The following TDRP variants were observed in gnomAD, a reference collection of about 807,000 sequenced individuals.
TDRP encodes the protein testis development-related protein.
TDRP carries 12 observed loss-of-function variants against 10.5 expected under a neutral mutation model. The ratio of observed to expected loss-of-function variants is 1.15; its 90% CI spans 0.73 to 1.86. TDRP has a LOEUF of 1.86. Among genes scored for constraint, TDRP ranks in the 40% most tolerant of loss-of-function variants. The pLI is 0.00. For synonymous variants in TDRP, 139 were observed against 95.4 expected, an observed-to-expected ratio of 1.46 and a Z score of -2.67; for missense variants, 353 against 229.2, an observed-to-expected ratio of 1.54 and a Z score of -3.49.
At chr8:496,573 T>C (rs781532363) in intron 1 of TDRP, among the ~76,000 whole-genome samples, 6 of 152,198 alleles carry the variant, frequency 3.9e-5, no homozygotes, top group Admixed American at 6.5e-5. Context: ...TGTTCCCCAT[T>C]CCCAGGCCTG....
chr8:517,590 T>C (rs889789762), intron 1 of TDRP, among the ~76,000 whole-genome samples: 7 of 152,234 alleles, frequency 4.6e-5, no homozygotes, highest in African/African-American at 1.7e-4. Flanking sequence ...ACCTACAACC[T>C]GGAAGCCCCC....
At chr8:504,856 C>A (rs558495191) in intron 1 of TDRP, among the ~76,000 whole-genome samples, 1 of 152,254 alleles carries the variant, frequency 6.6e-6, no homozygotes, top group South Asian at 2.1e-4. Flanking sequence ...CTTATAAATT[C>A]ATTCTAAGCC....
chr8:503,960 C>T (rs1282256572), intron 1 of TDRP, among the ~76,000 whole-genome samples: 1 of 148,264 alleles, frequency 6.7e-6, no homozygotes, highest in Non-Finnish European at 1.5e-5. Flanking sequence ...CAATGCCCAC[C>T]TCAGCACAAG....
chr8:542,358 A>G (rs1039403412), intron 1 of TDRP, among the ~76,000 whole-genome samples: 1 of 151,894 alleles, frequency 6.6e-6, no homozygotes, highest in African/African-American at 2.4e-5. Context: ...ATGCACAACG[A>G]GTGAGCCCTC....
At chr8:515,168 C>G (rs891948827) in intron 1 of TDRP, among the ~76,000 whole-genome samples, 6 of 152,146 alleles carry the variant, frequency 3.9e-5, no homozygotes, top group African/African-American at 1.4e-4. Context: ...TGTGCACAGC[C>G]AGAGATCCAA....
rs544814996 is a variant in TDRP, at chr8:493,155, G to C, written c.213-411C>G. ...GTTTTCAATTGGATTAACACAGCAAGGTAAGGTCAAGCATTTAGTAGGTAA... is the reference window on the plus strand; with the variant it reads ...GTTTTCAATTGGATTAACACAGCAACGTAAGGTCAAGCATTTAGTAGGTAA... On this transcript the variant is annotated intron_variant, in intron 2 of 2. Transcript: ENST00000324079. 8.3e-4 allele frequency among the ~76,000 whole-genome samples: 126 copies of C among 152,226 alleles called. 2 individuals are homozygous for C. The South Asian group carries it at 0.024, about 29-fold the overall frequency.
rs1194950305 is a variant in TDRP, at chr8:491,544, CAT to C, written c.*853_*854del. The C allele has an allele frequency of 2.1e-6, 3 of 1,423,850 alleles. No homozygotes were observed. Among genetic ancestry groups the C allele is most frequent in the Admixed American group, 5.0e-5 (2 of 39,820 alleles). The allele number at this position is 1,423,850 out of a possible 1,614,324, so 88.2% of individuals were successfully genotyped here. Reference sequence around the variant, plus strand: ...AGGCATCTCGCTTTGCAAGAACAAACATATGAGCCTAATAAAAAAGAGGCACT... The same window carrying C: ...AGGCATCTCGCTTTGCAAGAACAAACATGAGCCTAATAAAAAAGAGGCACT... On this transcript the variant is annotated 3_prime_UTR_variant, in exon 3 of 3. Coordinates refer to ENST00000324079, the MANE Select transcript of TDRP (RefSeq NM_001384899.1).
At chr8:503,082 T>A (rs1338922069) in intron 1 of TDRP, among the ~76,000 whole-genome samples, 1 of 127,540 alleles carries the variant, frequency 7.8e-6, no homozygotes, top group Non-Finnish European at 1.7e-5. Flanking sequence ...CACCTCAGCA[T>A]GTGTCAACAT....
chr8:516,203 G>A (rs1190755537), intron 1 of TDRP, among the ~76,000 whole-genome samples: 1 of 152,126 alleles, frequency 6.6e-6, no homozygotes, highest in Non-Finnish European at 1.5e-5. Context: ...GTCTCAGGAG[G>A]TTCACATCTA....
intron 1 of TDRP, among the ~76,000 whole-genome samples, chr8:506,466 T>A (rs1355482433): frequency 2.0e-5 from 3 of 152,264 alleles, no homozygotes; most frequent in African/African-American, 7.2e-5. Context: ...TGGCTGACAC[T>A]AAGCCGCAGC....
chr8:492,681 C>T lies in TDRP; in HGVS notation c.276G>A (p.Leu92=). 1 of 1,613,912 alleles carries T rather than the reference C, an allele frequency of 6.2e-7. No individual in the cohort carries two copies. The highest frequency in any genetic ancestry group is 8.5e-7 in the Non-Finnish European group (1 of 1,179,870). Residue 92 remains leucine, a synonymous_variant, in exon 3 of 3, where the codon TTG becomes TTA. Coordinates refer to ENST00000324079, the MANE Select transcript of TDRP (RefSeq NM_001384899.1). The stretch of plus-strand genomic sequence containing the variant: ...TAGACTGTATATTCTGTTTTAAAAC[C>T]AAATTGTCCCAAAATCCAGATTTCT... ...AEKKSGFWDN[L]VLKQNIQSKK... is the part of the protein sequence containing the mutation.
At chr8:542,766 G>C (rs1802533024) in intron 1 of TDRP, among the ~76,000 whole-genome samples, 1 of 151,548 alleles carries the variant, frequency 6.6e-6, no homozygotes, top group Non-Finnish European at 1.5e-5. Flanking sequence ...AAGAGGCTGA[G>C]GCAGGAGAAT....
At chr8:500,883 G>A (rs1269698174) in intron 1 of TDRP, among the ~76,000 whole-genome samples, 3 of 152,212 alleles carry the variant, frequency 2.0e-5, no homozygotes, top group Admixed American at 6.5e-5. Context: ...CAGTACCTGT[G>A]AAGGACAGAA....
chr8:533,177 G>A (rs923878582), intron 1 of TDRP, among the ~76,000 whole-genome samples: 7 of 152,142 alleles, frequency 4.6e-5, no homozygotes, highest in Non-Finnish European at 1.0e-4. Context: ...TGGAGAACCA[G>A]GTTCTTGTAC....
In TDRP at chr8:492,437, T is replaced by G. The variant is rs1801005276; in HGVS notation, c.520A>C (p.Lys174Gln). Residue 174 changes from lysine (K) to glutamine (Q), a missense_variant, in exon 3 of 3, where the codon AAA becomes CAA. Lys to Gln is a moderately conservative substitution (Grantham distance 53, BLOSUM62 1). Transcript: ENST00000324079. ...GRLVSIRRQS[K>Q]GHLTDSPEEA... is the part of the protein sequence containing the mutation. ...TCCGGGCTATCTGTCAGGTGGCCTT[T>G]ACTCTGCCGTCGGATGCTCACCAGC... is the stretch of plus-strand genomic sequence containing the variant. 6.3e-7 allele frequency: 1 copy of G among 1,584,624 alleles called. No individual in the cohort carries two copies. The highest frequency in any genetic ancestry group is 8.6e-7 in the Non-Finnish European group (1 of 1,161,660).
At chr8:523,252 A>C (rs1484084219) in intron 1 of TDRP, among the ~76,000 whole-genome samples, 1 of 152,184 alleles carries the variant, frequency 6.6e-6, no homozygotes, top group Non-Finnish European at 1.5e-5. Flanking sequence ...CTGATAATTT[A>C]ACTTAACCCC....
intron 1 of TDRP, among the ~76,000 whole-genome samples, chr8:543,348 GT>G (rs1430630268): frequency 6.6e-6 from 1 of 152,054 alleles, no homozygotes; most frequent in Non-Finnish European, 1.5e-5. Context: ...AAAAAAGTGG[GT>G]TTCAGGATTC....
intron 1 of TDRP, among the ~76,000 whole-genome samples, chr8:543,976 A>G (rs1802568523): frequency 6.6e-6 from 1 of 151,926 alleles, no homozygotes; most frequent in Non-Finnish European, 1.5e-5. Flanking sequence ...CACAGGGCCC[A>G]CCTGGGAGCC....
chr8:538,147 G>C (rs1355591411), intron 1 of TDRP, among the ~76,000 whole-genome samples: 3 of 152,216 alleles, frequency 2.0e-5, no homozygotes, highest in Non-Finnish European at 4.4e-5. Flanking sequence ...AACAGGCAAA[G>C]ACAGCTGTGA....
Sources: allele counts gnomAD v4.1 joint callset (sites outside exome capture counted in the v4.1 genomes callset), GRCh38; gene constraint gnomAD v4.1.1; transcripts MANE v1.5; gene names NCBI Gene and HGNC (gene_info 2026-07-23, HGNC 2026-07-21).